Variants in PFKL observed in about 807,000 individuals in gnomAD.
PFKL encodes the protein phosphofructokinase, liver type, also known as ATP-dependent 6-phosphofructokinase, liver type.
In PFKL, 74 loss-of-function variants were observed where a neutral mutation model predicts 92.1. That is an observed-to-expected ratio of 0.80 (90% CI 0.67 to 0.97). The LOEUF (loss-of-function observed/expected upper bound fraction) is 0.97. Ranked by LOEUF, PFKL falls within the 50% of genes least tolerant of loss-of-function variation. PFKL has a pLI of 0.00. For missense variants in PFKL, 1,028 were observed against 1,116.6 expected, an observed-to-expected ratio of 0.92 and a Z score of 1.13; for synonymous variants, 494 against 456.4, an observed-to-expected ratio of 1.08 and a Z score of -1.05.
intron 15 of PFKL, 39 bp downstream of exon 15, chr21:44,323,088 G>A (rs1297945620): frequency 6.6e-7 from 1 of 1,517,628 alleles, no homozygotes; most frequent in South Asian, 1.1e-5. Context: ...CCAGGGCACA[G>A]GAGACCCAAG....
At position 44,301,311 on chromosome 21, in the gene PFKL, C is replaced by CA. The variant is rs796988465; in HGVS notation, c.85+1122dup. On this transcript the variant is annotated intron_variant, in intron 1 of 21. Coordinates refer to ENST00000349048, the MANE Select transcript of PFKL (RefSeq NM_002626.6). ...GTGGTGGCTGCCCACCCGCCCTTTT[C>CA]ACAGCTGTGGCAAGAGCGGGAGCTG... Among the ~76,000 whole-genome samples the CA allele has an allele frequency of 4.4e-4, 67 of 152,318 alleles. 1 individual carries two copies. Among genetic ancestry groups the CA allele is most frequent in the African/African-American group, 1.4e-3 (60 of 41,580 alleles).
intron 2 of PFKL, among the ~76,000 whole-genome samples, chr21:44,307,559 CCTCACTG>C (rs1225688963): frequency 1.3e-5 from 2 of 152,240 alleles, no homozygotes; most frequent in African/African-American, 2.4e-5. Context: ...GCCCCACCCC[CCTCACTG>C]CTCACTGCTC....
In PFKL at chr21:44,322,694, G is replaced by A. The variant is rs192787527; in HGVS notation, c.1410-268G>A. On this transcript the variant is annotated intron_variant, in intron 14 of 21. Coordinates refer to ENST00000349048, the MANE Select transcript of PFKL (RefSeq NM_002626.6). The stretch of plus-strand genomic sequence containing the variant: ...GTGTTGGGCGAGAAAGCCTCGGGCA[G>A]GAAGGGGTTCCCACGGGGAGCCCAG... Among the ~76,000 whole-genome samples the A allele has an allele frequency of 1.6e-3, 240 of 152,346 alleles. 3 individuals carry two copies. The highest frequency in any genetic ancestry group is 5.3e-3 in the African/African-American group (222 of 41,582).
chr21:44,314,388 G>A (rs760982161), intron 7 of PFKL: 20 of 245,930 alleles, frequency 8.1e-5, no homozygotes, highest in African/African-American at 1.1e-4. Context: ...AGGTCCAGAC[G>A]GCAGGGCTGT....
chr21:44,325,429 T>C (rs576389343), intron 19 of PFKL, 165 bp downstream of exon 19: 2 of 600,944 alleles, frequency 3.3e-6, no homozygotes, highest in Admixed American at 5.6e-5. Context: ...TGTATCTAGG[T>C]GAGGTCTCAT....
intron 11 of PFKL, 80 bp from the exon 12 acceptor site, chr21:44,320,004 T>C: frequency 7.5e-7 from 1 of 1,328,754 alleles, no homozygotes; most frequent in Non-Finnish European, 1.1e-6. Context: ...ACCAGCCTCC[T>C]GGGCTCTGTC....
chr21:44,322,076 G>T (rs1291994063), intron 13 of PFKL, 57 bp from the exon 14 acceptor site: 2 of 1,550,012 alleles, frequency 1.3e-6, no homozygotes, highest in East Asian at 2.3e-5. Context: ...GCCCACCCCT[G>T]GGGGGAATTG....
At position 44,318,492 on chromosome 21, in the gene PFKL, C is replaced by CG. The variant is rs1216454418; in HGVS notation, c.961dup (p.Val321GlyfsTer10). The CG allele has an allele frequency of 7.0e-6, 11 of 1,564,914 alleles. No homozygotes were observed. The highest frequency in any genetic ancestry group is 8.7e-6 in the Non-Finnish European group (10 of 1,149,380). On this transcript the variant is annotated frameshift_variant, in exon 10 of 22. Coordinates refer to ENST00000349048, the MANE Select transcript of PFKL (RefSeq NM_002626.6). LOFTEE classifies it high-confidence loss of function. ...CAGAGCAGCAAGATGGGCATGGAGG[C>CG]GGTGATGGCGCTGCTGGAAGCCACG...
chr21:44,305,383 G>A (rs1568941917), intron 1 of PFKL: 1 of 1,365,396 alleles, frequency 7.3e-7, no homozygotes, highest in Non-Finnish European at 9.8e-7. Flanking sequence ...CATGTTCAAG[G>A]GAGCTGCCGA....
intron 20 of PFKL, 23 bp downstream of exon 20, chr21:44,326,083 G>A: frequency 6.2e-7 from 1 of 1,610,656 alleles, no homozygotes; most frequent in African/African-American, 1.3e-5. Flanking sequence ...TGCGACCCGA[G>A]GCCTCACTTT....
chr21:44,303,431 A>C (rs1288204631), intron 1 of PFKL, among the ~76,000 whole-genome samples: 5 of 66,648 alleles, frequency 7.5e-5, no homozygotes, highest in African/African-American at 9.0e-5. Flanking sequence ...AACAGACTTG[A>C]CCAAAAAAAA....
intron 1 of PFKL, 62 bp downstream of exon 1, chr21:44,300,252 C>T (rs2040729683): frequency 3.7e-6 from 3 of 806,756 alleles, no homozygotes; most frequent in African/African-American, 3.7e-5. Flanking sequence ...GCCCTGGCCT[C>T]TCCGGAGCGC....
chr21:44,311,905 A>C (rs952287166), intron 3 of PFKL, among the ~76,000 whole-genome samples, 200 bp from the exon 4 acceptor site: 1 of 152,174 alleles, frequency 6.6e-6, no homozygotes, highest in Non-Finnish European at 1.5e-5. Flanking sequence ...GACGGACATC[A>C]TCCTCCTCTT....
At chr21:44,314,427 G>A (rs1323115151) in intron 7 of PFKL, 2 of 202,864 alleles carry the variant, frequency 9.9e-6, no homozygotes, top group Non-Finnish European at 1.0e-5. Flanking sequence ...AGCTGGGCCA[G>A]TGGGGAGCAG....
intron 3 of PFKL, among the ~76,000 whole-genome samples, chr21:44,311,836 C>T (rs1172790576): frequency 6.6e-6 from 1 of 152,194 alleles, no homozygotes; most frequent in African/African-American, 2.4e-5. Context: ...GTGTACTGTG[C>T]TTTCCAGTCT....
At chr21:44,324,047 G>T (rs2047430013) in intron 16 of PFKL, 129 bp downstream of exon 16, 3 of 1,068,836 alleles carry the variant, frequency 2.8e-6, no homozygotes. Flanking sequence ...GGGGTTTGTG[G>T]GGCACAGGCC....
At chr21:44,319,805 G>A (rs2047312188) in intron 11 of PFKL, 9 of 512,210 alleles carry the variant, frequency 1.8e-5, no homozygotes, top group East Asian at 9.9e-5. Context: ...GTTCCCATGC[G>A]TGCCTCCACC....
At chr21:44,317,999 T>A (rs2047254085) in intron 9 of PFKL, among the ~76,000 whole-genome samples, 1 of 152,110 alleles carries the variant, frequency 6.6e-6, no homozygotes, top group Non-Finnish European at 1.5e-5. Context: ...GTTCCCGGGG[T>A]GGGGCTGGGG....
Position 44,310,997 on chromosome 21 carries a change from T to A in PFKL, c.160-9T>A. On this transcript the variant is annotated splice_polypyrimidine_tract_variant and intron_variant, in intron 2 of 21. Coordinates refer to ENST00000349048, the MANE Select transcript of PFKL (RefSeq NM_002626.6). Reference sequence around the variant, plus strand: ...CCCTATCTCATGCCTGCCCCACTCTTGATTTCAGGGCTATGAGGGCCTCGT... The same window carrying A: ...CCCTATCTCATGCCTGCCCCACTCTAGATTTCAGGGCTATGAGGGCCTCGT... The A allele has an allele frequency of 6.2e-7, 1 of 1,610,800 alleles. No homozygotes were observed. The highest frequency in any genetic ancestry group is 2.2e-5 in the East Asian group (1 of 44,716).
Sources: gnomAD v4.1 joint callset for allele counts (sites outside exome capture counted in the v4.1 genomes callset) on GRCh38, gnomAD v4.1.1 for gene constraint, MANE v1.5 for transcripts, NCBI Gene and HGNC (gene_info 2026-07-23, HGNC 2026-07-21) for gene names.